Variants in NPEPPS observed in about 807,000 individuals in gnomAD.
NPEPPS encodes the protein puromycin-sensitive aminopeptidase.
In NPEPPS, 14 loss-of-function variants were observed where a neutral mutation model predicts 115.5. That is an observed-to-expected ratio of 0.12 (90% CI 0.08 to 0.19). The LOEUF (loss-of-function observed/expected upper bound fraction) is 0.19. Ranked by LOEUF, NPEPPS falls within the 10% of genes least tolerant of loss-of-function variation. NPEPPS has a pLI of 1.00. For synonymous variants in NPEPPS, 285 were observed against 390.6 expected (o/e 0.73, Z 3.19); for missense variants, 523 against 1,110.8 (o/e 0.47, Z 7.52).
chr17:47,596,401 C>A lies in NPEPPS; in HGVS notation c.1475C>A (p.Ala492Asp). The change falls in exon 13 of 23, where the codon GCT becomes GAT. Residue 492 changes from alanine (A) to aspartate (D), a missense_variant. Around this residue, in one of 4 missense-constraint regions of NPEPPS, gnomAD observed 372 missense variants for 542.6 expected, o/e 0.69. Coordinates refer to ENST00000322157, the MANE Select transcript of NPEPPS (RefSeq NM_006310.4). ...LENASGKPIA[A>D]VMNTWTKQMG... ...AATGCTAGTGGTAAACCTATAGCAG[C>A]TGTGATGAATACCTGGACCAAACAA... 1 of 1,598,296 alleles carries A rather than the reference C, an allele frequency of 6.3e-7. No homozygotes were observed. Among genetic ancestry groups the A allele is most frequent in the South Asian group, 1.1e-5 (1 of 87,878 alleles).
chr17:47,530,102 AT>A (rs5820660), upstream of NPEPPS, among the ~76,000 whole-genome samples: 22 of 124,476 alleles, frequency 1.8e-4, no homozygotes, highest in Admixed American at 6.8e-4. Flanking sequence ...AAGCCCGGCT[AT>A]TTTTTTTTTT....
chr17:47,599,340 T>C (rs1035678881), intron 13 of NPEPPS, among the ~76,000 whole-genome samples: 1 of 152,238 alleles, frequency 6.6e-6, no homozygotes, highest in African/African-American at 2.4e-5. Context: ...ATGAAACTCA[T>C]TAGCCCAATT....
At chr17:47,562,976 C>A (rs974968239) in intron 2 of NPEPPS, among the ~76,000 whole-genome samples, 2 of 150,202 alleles carry the variant, frequency 1.3e-5, no homozygotes, top group African/African-American at 2.4e-5. Context: ...ATATATACTT[C>A]TCTTTTGATT....
At chr17:47,555,055 A>T (rs753160356) in intron 2 of NPEPPS, among the ~76,000 whole-genome samples, 7 of 152,174 alleles carry the variant, frequency 4.6e-5, no homozygotes, top group Non-Finnish European at 8.8e-5. Context: ...GAAACTGCAG[A>T]TAAGGGGGGA....
intron 2 of NPEPPS, among the ~76,000 whole-genome samples, chr17:47,555,566 C>T (rs555884896): frequency 2.5e-3 from 373 of 150,970 alleles, no homozygotes; most frequent in Admixed American, 8.0e-3. Context: ...AGGCTGGTCT[C>T]GAACCTCCGA....
In NPEPPS at chr17:47,535,419, C is replaced by T. The variant is rs111656471; in HGVS notation, c.255+3864C>T. ...ACAAAAAATTAGCCGGGCGTGGTGG[C>T]GGGTGCCTGTAGTCCCAGCTACTCG... On this transcript the variant is annotated intron_variant, in intron 1 of 22. Coordinates refer to ENST00000322157, the MANE Select transcript of NPEPPS (RefSeq NM_006310.4). 5.5e-3 allele frequency among the ~76,000 whole-genome samples: 832 copies of T among 150,952 alleles called. 7 individuals are homozygous for T. Among genetic ancestry groups the T allele is most frequent in the African/African-American group, 0.019 (799 of 41,088 alleles).
At chr17:47,596,677 A>G (rs183433593) in intron 13 of NPEPPS, among the ~76,000 whole-genome samples, 2 of 152,374 alleles carry the variant, frequency 1.3e-5, no homozygotes, top group African/African-American at 4.8e-5. Flanking sequence ...CTCCAGGGAA[A>G]ATACTGTAAA....
chr17:47,542,442 A>T (rs1908832487), intron 1 of NPEPPS, among the ~76,000 whole-genome samples: 1 of 149,454 alleles, frequency 6.7e-6, no homozygotes, highest in African/African-American at 2.5e-5. Context: ...GCTACTAGGG[A>T]GGCTGAGGCA....
At chr17:47,524,989 C>A (rs1016422403) in intron 1 of NPEPPS, among the ~76,000 whole-genome samples, 9 of 151,566 alleles carry the variant, frequency 5.9e-5, no homozygotes, top group Non-Finnish European at 1.3e-4. Flanking sequence ...AACAGAGAAG[C>A]CTAGAAGCCT....
chr17:47,539,548 A>G (rs1439783593), intron 1 of NPEPPS, among the ~76,000 whole-genome samples: 2 of 152,024 alleles, frequency 1.3e-5, no homozygotes, highest in Non-Finnish European at 2.9e-5. Flanking sequence ...ATAAAATGTC[A>G]CAGATATCAC....
intron 17 of NPEPPS, among the ~76,000 whole-genome samples, chr17:47,609,737 C>A (rs1913728113): frequency 6.6e-6 from 1 of 152,176 alleles, no homozygotes; most frequent in South Asian, 2.1e-4. Context: ...GTGCCTACCC[C>A]ACACAGGCAC....
chr17:47,524,805 A>ATTTT (rs58644203), intron 1 of NPEPPS, among the ~76,000 whole-genome samples: 3 of 138,718 alleles, frequency 2.2e-5, no homozygotes, highest in African/African-American at 2.7e-5. Context: ...TGCCCGGCCA[A>ATTTT]TTTTTTTTTT....
intron 12 of NPEPPS, 159 bp downstream of exon 12, chr17:47,592,704 T>C (rs1912583993): frequency 1.7e-6 from 1 of 601,964 alleles, no homozygotes; most frequent in South Asian, 2.5e-5. Context: ...ATCTCTAATC[T>C]CAAAATCTGA....
chr17:47,618,396 G>A lies in NPEPPS; in HGVS notation c.2342G>A (p.Arg781Lys), dbSNP rs1374889598. 6.2e-7 allele frequency: 1 copy of A among 1,613,754 alleles called. No individual in the cohort carries two copies. Among genetic ancestry groups the A allele is most frequent in the Non-Finnish European group, 8.5e-7 (1 of 1,179,846 alleles). The change falls in exon 20 of 23, where the codon AGA becomes AAA. Residue 781 changes from arginine to lysine, a missense_variant. Transcript: ENST00000322157. ...CAAGAAGAGAAAAACCGAATCGAAA[G>A]AGTCCTTGGCGCTACTCTTTTGCCT... The part of the protein sequence containing the change: ...DMQEEKNRIE[R>K]VLGATLLPDL...
chr17:47,561,862 CAG>C (rs1018068908), intron 2 of NPEPPS, among the ~76,000 whole-genome samples: 1 of 152,240 alleles, frequency 6.6e-6, no homozygotes, highest in Non-Finnish European at 1.5e-5. Context: ...AGACTCTGAA[CAG>C]AGAGACCTTG....
At chr17:47,611,931 T>G (rs1480966437) in intron 17 of NPEPPS, among the ~76,000 whole-genome samples, 1 of 152,236 alleles carries the variant, frequency 6.6e-6, no homozygotes, top group Non-Finnish European at 1.5e-5. Flanking sequence ...ATAGTGGGTA[T>G]GAATTGGTAT....
At chr17:47,526,212 C>CA (rs983519804), upstream of NPEPPS, among the ~76,000 whole-genome samples, 4 of 151,638 alleles carry the variant, frequency 2.6e-5, no homozygotes, top group African/African-American at 4.8e-5. Context: ...AACTCCATCT[C>CA]AAAAAAAACC....
chr17:47,563,760 C>T (rs1238024927), intron 2 of NPEPPS, among the ~76,000 whole-genome samples: 3 of 151,642 alleles, frequency 2.0e-5, no homozygotes, highest in Non-Finnish European at 2.9e-5. Context: ...TTAGTAGAGA[C>T]GGGGTTTCAC....
chr17:47,610,891 T>A (rs1294483990), intron 17 of NPEPPS, among the ~76,000 whole-genome samples: 4 of 139,256 alleles, frequency 2.9e-5, no homozygotes, highest in Non-Finnish European at 6.1e-5. Flanking sequence ...TCTCACTCTG[T>A]CTCCAGGTTG....
Sources: gnomAD v4.1 joint callset for allele counts (sites outside exome capture counted in the v4.1 genomes callset) on GRCh38, gnomAD v4.1.1 for gene constraint, gnomAD v4.1.1 regional missense constraint, MANE v1.5 for transcripts, NCBI Gene and HGNC (gene_info 2026-07-23, HGNC 2026-07-21) for gene names.